CCP110: variants seen among roughly 807,000 people sequenced by gnomAD.
CCP110 encodes the protein centriolar coiled-coil protein of 110 kDa.
In CCP110, 43 loss-of-function variants were observed where a neutral mutation model predicts 105.5. That is an observed-to-expected ratio of 0.41 (90% CI 0.32 to 0.53). The LOEUF (loss-of-function observed/expected upper bound fraction) is 0.53. CCP110 is among the 20% of genes least tolerant of loss of function. CCP110 has a pLI of 0.32. For synonymous variants in CCP110, 353 were observed against 392.1 expected (o/e 0.90, Z 1.18); for missense variants, 1,016 against 1,189.1 (o/e 0.85, Z 2.14).
At chr16:19,529,937 A>G (rs1486488177) in intron 2 of CCP110, among the ~76,000 whole-genome samples, 1 of 152,210 alleles carries the variant, frequency 6.6e-6, no homozygotes, top group African/African-American at 2.4e-5. Context: ...CACGCCTATA[A>G]TCCCAGCACT....
At chr16:19,544,221 TTGGGGGC>T (rs1970386319) in intron 8 of CCP110, among the ~76,000 whole-genome samples, 1 of 152,210 alleles carries the variant, frequency 6.6e-6, no homozygotes, top group Non-Finnish European at 1.5e-5. Flanking sequence ...TGTTGAAATA[TTGGGGGC>T]TGGTCCCCCC....
chr16:19,541,905 A>G (rs748796315), exon 6 of CCP110: 2 of 1,590,706 alleles, frequency 1.3e-6, no homozygotes, highest in Non-Finnish European at 1.7e-6. Context: ...AGAGCAGGAG[A>G]AAATGTTAAA....
chr16:19,528,771 T>G (rs925564211), intron 2 of CCP110, among the ~76,000 whole-genome samples: 4 of 152,174 alleles, frequency 2.6e-5, no homozygotes, highest in African/African-American at 4.8e-5. Context: ...CAGTGACATG[T>G]GCCTGTAGTC....
chr16:19,546,440 A>G (rs759910077), exon 12 of CCP110: 5 of 1,588,286 alleles, frequency 3.1e-6, no homozygotes, highest in Non-Finnish European at 4.3e-6. Context: ...GCCAAATAAG[A>G]AATTTCTGGT....
At chr16:19,530,502 T>C (rs2151463082) in intron 2 of CCP110, among the ~76,000 whole-genome samples, 1 of 151,162 alleles carries the variant, frequency 6.6e-6, no homozygotes, top group South Asian at 2.1e-4. Flanking sequence ...AAAAATTAGC[T>C]GGGCGTGGTG....
At chr16:19,539,573 C>T (rs1369122396) in intron 4 of CCP110, among the ~76,000 whole-genome samples, 1 of 151,652 alleles carries the variant, frequency 6.6e-6, no homozygotes, top group East Asian at 2.0e-4. Flanking sequence ...AGGCTGGTCT[C>T]GAACTCCTAG....
chr16:19,535,231 C>T (rs1439823769), intron 3 of CCP110, among the ~76,000 whole-genome samples: 1 of 152,074 alleles, frequency 6.6e-6, no homozygotes, highest in Non-Finnish European at 1.5e-5. Flanking sequence ...ATGATTTTTG[C>T]CAGTTTAATA....
chr16:19,537,901 G>A (rs1309099234), intron 4 of CCP110, among the ~76,000 whole-genome samples: 1 of 151,976 alleles, frequency 6.6e-6, no homozygotes, highest in African/African-American at 2.4e-5. Context: ...GGGACTACAG[G>A]CTCATGCCAC....
chr16:19,545,055 C>A, intron 9 of CCP110, 39 bp from the exon 10 acceptor site: 1 of 1,271,598 alleles, frequency 7.9e-7, no homozygotes, highest in Non-Finnish European at 1.1e-6. Flanking sequence ...CTAACCTCAT[C>A]TTTTAAATGT....
chr16:19,548,935 C>G lies in CCP110; in HGVS notation c.2986+335C>G, dbSNP rs115320373. 0.011 allele frequency among the ~76,000 whole-genome samples: 1,747 copies of G among 152,256 alleles called. 37 individuals are homozygous for G. Among genetic ancestry groups the G allele is most frequent in the African/African-American group, 0.039 (1,610 of 41,534 alleles). On this transcript the variant is annotated intron_variant, in intron 14 of 14. Coordinates refer to ENST00000381396, the Ensembl canonical transcript of CCP110. This position sits in a 1 kb window ranked among gnomAD's most constrained non-coding sequence, Gnocchi z 4.1. The stretch of plus-strand genomic sequence containing the variant: ...ATAACGATCATCTCTGGTGCTAAGT[C>G]TGTGCATTGTCTGTTCAGCTTGGGG...
At chr16:19,536,182 G>A (rs748288173) in exon 4 of CCP110, 23 of 1,613,946 alleles carry the variant, frequency 1.4e-5, no homozygotes, top group African/African-American at 8.0e-5. Context: ...TTAATTCTCC[G>A]AAGCAATGTG....
chr16:19,550,642 A>C (rs1008200248), intron 14 of CCP110, among the ~76,000 whole-genome samples: 1 of 152,248 alleles, frequency 6.6e-6, no homozygotes, highest in African/African-American at 2.4e-5. Flanking sequence ...AAATGGAGGC[A>C]AATCCTTTGT....
exon 7 of CCP110, chr16:19,542,718 A>G: frequency 6.2e-7 from 1 of 1,613,648 alleles, no homozygotes; most frequent in Non-Finnish European, 8.5e-7. Context: ...CCAAACTCTC[A>G]GTAACAAGGC....
At chr16:19,537,391 A>G in exon 4 of CCP110, 1 of 1,613,392 alleles carries the variant, frequency 6.2e-7, no homozygotes, top group Non-Finnish European at 8.5e-7. Context: ...GTGGAAATGA[A>G]CAATTTTTGG....
chr16:19,527,896 G>C (rs1349897885), exon 2 of CCP110: 1 of 1,613,224 alleles, frequency 6.2e-7, no homozygotes, highest in Non-Finnish European at 8.5e-7. Context: ...AGGAGTATGA[G>C]AAGTTCTGTG....
rs757244577 is a variant in CCP110 at position 19,541,912 on chromosome 16, TAAAAG to T, written c.2077_2081del (p.Lys693GlufsTer10). On this transcript the variant is annotated frameshift_variant, in exon 6 of 15. Coordinates refer to ENST00000381396, the Ensembl canonical transcript of CCP110. LOFTEE classifies it high-confidence loss of function. ...GAAATAGAAGAGCAGGAGAAAATGTTAAAAGAGAAGAAGGCAATGACAGCGGAAGC... is the reference window on the plus strand; with the variant it reads ...GAAATAGAAGAGCAGGAGAAAATGTTAGAAGAAGGCAATGACAGCGGAAGC... The T allele has an allele frequency of 2.5e-6, 4 of 1,595,690 alleles. No individual in the cohort carries two copies. The highest frequency in any genetic ancestry group is 1.1e-5 in the South Asian group (1 of 87,760).
chr16:19,543,152 G>T (rs1008182942), intron 8 of CCP110, among the ~76,000 whole-genome samples, 158 bp downstream of exon 8: 1 of 152,162 alleles, frequency 6.6e-6, no homozygotes, highest in Admixed American at 6.6e-5. Context: ...GGAAGTCAGG[G>T]ACCCCGAATG....
intron 8 of CCP110, among the ~76,000 whole-genome samples, chr16:19,544,378 C>T (rs1970391865): frequency 6.6e-6 from 1 of 152,112 alleles, no homozygotes; most frequent in Admixed American, 6.6e-5. Context: ...ACAGTCGGTC[C>T]TCTATCTCTG....
At chr16:19,538,355 G>A (rs1970157163) in intron 4 of CCP110, among the ~76,000 whole-genome samples, 1 of 131,644 alleles carries the variant, frequency 7.6e-6, no homozygotes, top group African/African-American at 3.1e-5. Flanking sequence ...CTGTCGCCAG[G>A]CTGGAGTGCA....
Sources: allele counts gnomAD v4.1 joint callset (sites outside exome capture counted in the v4.1 genomes callset), GRCh38; gene constraint gnomAD v4.1.1; non-coding constraint Gnocchi (gnomAD v3.1); transcripts MANE v1.5; gene names NCBI Gene and HGNC (gene_info 2026-07-23, HGNC 2026-07-21).